Variants in GUCA1C observed in about 807,000 individuals in gnomAD.
GUCA1C encodes guanylate cyclase activator 1C.
Under a neutral mutation model 16.2 loss-of-function variants are expected in GUCA1C, and 15 were observed. The ratio of observed to expected loss-of-function variants is 0.93; its 90% CI spans 0.62 to 1.43. The LOEUF is 1.43. Ranked by LOEUF, GUCA1C falls within the 40% of genes most tolerant of loss-of-function variation. GUCA1C has a pLI of 0.00. For synonymous variants in GUCA1C, 78 were observed against 85.4 expected (o/e 0.91, Z 0.48); for missense variants, 275 against 244.8 (o/e 1.12, Z -0.82).
chr3:108,947,075 T>G (rs886652378), intron 1 of GUCA1C, among the ~76,000 whole-genome samples: 1 of 152,140 alleles, frequency 6.6e-6, no homozygotes, highest in Non-Finnish European at 1.5e-5. Context: ...ATATTTTAAT[T>G]AGCTTGAGTT....
At chr3:108,944,882 G>T (rs1315270823) in intron 1 of GUCA1C, among the ~76,000 whole-genome samples, 1 of 152,180 alleles carries the variant, frequency 6.6e-6, no homozygotes, top group African/African-American at 2.4e-5. Context: ...GTTTCATGAG[G>T]ATGAATTGAT....
In GUCA1C at chr3:108,950,834, C is replaced by T. The variant is rs1376906275; in HGVS notation, c.204+2725G>A. On this transcript the variant is annotated intron_variant, in intron 1 of 3. Coordinates refer to ENST00000261047, the MANE Select transcript of GUCA1C (RefSeq NM_005459.4). ...AGACAGAACAACAAGAAAAAGCAAA[C>T]AGAATGATAAAAGCACAAATTTTCA... Among the ~76,000 whole-genome samples, 10 of 152,032 alleles carry T rather than the reference C, an allele frequency of 6.6e-5. No homozygotes were observed. In the East Asian group the frequency reaches 1.7e-3, roughly 26 times the overall value.
chr3:108,949,848 T>C (rs1453962589), intron 1 of GUCA1C, among the ~76,000 whole-genome samples: 2 of 152,226 alleles, frequency 1.3e-5, no homozygotes, highest in East Asian at 3.8e-4. Context: ...AAGAAGCTAA[T>C]TTCTATATCC....
At chr3:108,947,806 A>C (rs764066113) in intron 1 of GUCA1C, among the ~76,000 whole-genome samples, 5 of 152,220 alleles carry the variant, frequency 3.3e-5, no homozygotes. Flanking sequence ...CATAATAAAA[A>C]TGTTTAAGGT....
chr3:108,928,292 G>T (rs1946640049), intron 1 of GUCA1C, among the ~76,000 whole-genome samples: 1 of 152,170 alleles, frequency 6.6e-6, no homozygotes, highest in Non-Finnish European at 1.5e-5. Flanking sequence ...TCCTAATCCA[G>T]ATTGTCTTCT....
intron 1 of GUCA1C, among the ~76,000 whole-genome samples, chr3:108,947,618 A>G (rs1946854736): frequency 6.6e-6 from 1 of 152,258 alleles, no homozygotes. Flanking sequence ...TTATTGGTAT[A>G]GATGAATAAT....
intron 1 of GUCA1C, among the ~76,000 whole-genome samples, chr3:108,923,964 G>A (rs544374947): frequency 6.6e-6 from 1 of 152,284 alleles, no homozygotes; most frequent in East Asian, 1.9e-4. Flanking sequence ...CGCTGTTGGT[G>A]TATAGAAGAG....
In GUCA1C at chr3:108,953,788, C is replaced by T. The variant is rs770533510; in HGVS notation, c.-26G>A. The T allele has an allele frequency of 6.4e-7, 1 of 1,567,274 alleles. No individual in the cohort carries two copies. Among genetic ancestry groups the T allele is most frequent in the Non-Finnish European group, 8.8e-7 (1 of 1,137,572 alleles). On this transcript the variant is annotated 5_prime_UTR_variant, in exon 1 of 4. Coordinates refer to ENST00000261047, the MANE Select transcript of GUCA1C (RefSeq NM_005459.4). The stretch of plus-strand genomic sequence containing the variant: ...CTTGACTCACAGTCTACAGCTTTTC[C>T]TCAGGTTGTTTTCACTTAAGTTTTT...
At chr3:108,930,292 C>T (rs1408072366) in intron 1 of GUCA1C, among the ~76,000 whole-genome samples, 1 of 152,098 alleles carries the variant, frequency 6.6e-6, no homozygotes, top group African/African-American at 2.4e-5. Context: ...CACTGCTCCC[C>T]GGAAATAAAG....
chr3:108,912,235 G>C (rs905466635), intron 3 of GUCA1C, among the ~76,000 whole-genome samples: 1 of 151,662 alleles, frequency 6.6e-6, no homozygotes, highest in Admixed American at 6.6e-5. Flanking sequence ...GAGACTTACC[G>C]AGGCACTTTC....
At chr3:108,911,207 C>A (rs1468750818) in intron 3 of GUCA1C, among the ~76,000 whole-genome samples, 1 of 152,092 alleles carries the variant, frequency 6.6e-6, no homozygotes, top group Non-Finnish European at 1.5e-5. Flanking sequence ...AATCCGGTTA[C>A]CTGTTGATAT....
chr3:108,924,799 A>C (rs796693984), intron 1 of GUCA1C, among the ~76,000 whole-genome samples: 1 of 152,012 alleles, frequency 6.6e-6, no homozygotes, highest in Admixed American at 6.5e-5. Flanking sequence ...TACCATTTCA[A>C]TCTTGCTGCT....
chr3:108,910,941 C>T (rs1203834290), intron 3 of GUCA1C, among the ~76,000 whole-genome samples: 1 of 152,112 alleles, frequency 6.6e-6, no homozygotes, highest in Non-Finnish European at 1.5e-5. Flanking sequence ...TGAGCCACCG[C>T]ACCCGGCCGA....
intron 1 of GUCA1C, among the ~76,000 whole-genome samples, chr3:108,921,024 T>A (rs539371308): frequency 1.3e-5 from 2 of 152,344 alleles, no homozygotes; most frequent in African/African-American, 4.8e-5. Context: ...TATAATGCCA[T>A]GTACACACCA....
intron 1 of GUCA1C, among the ~76,000 whole-genome samples, chr3:108,920,800 T>C (rs1428522098): frequency 2.6e-5 from 4 of 152,192 alleles, no homozygotes; most frequent in Admixed American, 1.3e-4. Flanking sequence ...TAAATAGGCA[T>C]TATTTTTTAG....
chr3:108,951,752 A>G (rs753328674), intron 1 of GUCA1C, among the ~76,000 whole-genome samples: 1 of 152,186 alleles, frequency 6.6e-6, no homozygotes, highest in Non-Finnish European at 1.5e-5. Context: ...GATGAATAGC[A>G]GCAGAACTTC....
intron 3 of GUCA1C, among the ~76,000 whole-genome samples, chr3:108,910,236 C>T (rs541164401): frequency 2.6e-5 from 4 of 152,152 alleles, no homozygotes; most frequent in Non-Finnish European, 4.4e-5. Context: ...CGGTGGCTCA[C>T]GCCTGTAAAC....
chr3:108,946,725 G>A (rs1003189765), intron 1 of GUCA1C, among the ~76,000 whole-genome samples: 4 of 151,882 alleles, frequency 2.6e-5, no homozygotes, highest in African/African-American at 7.3e-5. Context: ...TACAATGCGG[G>A]ATATTCTACA....
At chr3:108,920,303 T>C in intron 2 of GUCA1C, 133 bp downstream of exon 2, 1 of 694,084 alleles carries the variant, frequency 1.4e-6, no homozygotes, top group Non-Finnish European at 2.5e-6. Context: ...GTAAAGCTTA[T>C]ATTACTTCAG....
Sources: allele counts gnomAD v4.1 joint callset (sites outside exome capture counted in the v4.1 genomes callset), GRCh38; gene constraint gnomAD v4.1.1; transcripts MANE v1.5; gene names NCBI Gene and HGNC (gene_info 2026-07-23, HGNC 2026-07-21).